ESRRB: variants seen among roughly 807,000 people sequenced by gnomAD.
ESRRB encodes the protein steroid hormone receptor ERR2.
Under a neutral mutation model 46.0 loss-of-function variants are expected in ESRRB, and 16 were observed. That is an observed-to-expected ratio of 0.35 (90% confidence interval 0.24 to 0.53). The LOEUF (loss-of-function observed/expected upper bound fraction) is 0.53, where lower values mean the gene tolerates loss of function less well. Ranked by LOEUF, ESRRB falls within the 20% of genes least tolerant of loss-of-function variation. ESRRB has a pLI of 0.93. For missense variants in ESRRB, 488 were observed against 607.4 expected (o/e 0.80, Z 2.07); for synonymous variants, 246 against 259.6 (o/e 0.95, Z 0.50).
intron 1 of ESRRB, among the ~76,000 whole-genome samples, chr14:76,361,498 G>C (rs1884463751): frequency 6.6e-6 from 1 of 152,206 alleles, no homozygotes; most frequent in Admixed American, 6.5e-5. Flanking sequence ...AGAAATCGAA[G>C]TAGTATACAT....
At chr14:76,436,147 C>T (rs998274476) in intron 1 of ESRRB, among the ~76,000 whole-genome samples, 3 of 152,192 alleles carry the variant, frequency 2.0e-5, no homozygotes, top group Non-Finnish European at 4.4e-5. Context: ...AGGAGGGGAG[C>T]GGAAGAGGAA....
At position 76,500,341 on chromosome 14, in the gene ESRRB, A is replaced by AT. The variant is rs1890616423; in HGVS notation, c.*1883_*1884insT. 1 of 586,242 alleles carries AT rather than the reference A, an allele frequency of 1.7e-6. No individual in the cohort carries two copies. Among genetic ancestry groups the AT allele is most frequent in the African/African-American group, 1.9e-5 (1 of 53,662 alleles). The allele number at this position is 586,242 out of a possible 1,614,324, so 36.3% of individuals were successfully genotyped here. A position where few individuals can be genotyped will look rare whatever the true frequency, so the allele number is the denominator to read the frequency against. On this transcript the variant is annotated 3_prime_UTR_variant, in exon 7 of 7. Transcript: ENST00000644823. Reference sequence around the variant, plus strand: ...GGTCTGAGTCACTTGATGAGTAGGCACTGGAGCCGTTACCCAGGATGCTGC... The same window carrying AT: ...GGTCTGAGTCACTTGATGAGTAGGCATCTGGAGCCGTTACCCAGGATGCTGC...
At chr14:76,479,221 G>T (rs1308853685) in intron 3 of ESRRB, among the ~76,000 whole-genome samples, 4 of 134,102 alleles carry the variant, frequency 3.0e-5, no homozygotes, top group Non-Finnish European at 6.2e-5. Context: ...GTCTGTTTGT[G>T]TGTGTGTGTG....
chr14:76,336,167 T>C lies in ESRRB; in HGVS notation c.2+25251T>C, dbSNP rs145741379. Among the ~76,000 whole-genome samples, 88 of 152,310 alleles carry C rather than the reference T, an allele frequency of 5.8e-4. 2 individuals are homozygous for C. The East Asian group carries it at 0.016, about 28-fold the overall frequency. On this transcript the variant is annotated intron_variant, in intron 1 of 6. Transcript: ENST00000512784. ...TCTGCAAAATCTCGCTGCCTTTTAG[T>C]TGACAGGGAGCCATTGCCAGGTAGG... is the stretch of plus-strand genomic sequence containing the variant.
At chr14:76,345,865 T>G (rs986348306) in intron 1 of ESRRB, among the ~76,000 whole-genome samples, 4 of 152,228 alleles carry the variant, frequency 2.6e-5, no homozygotes, top group Admixed American at 6.5e-5. Flanking sequence ...GTAGGTACTG[T>G]GTGCCAGGCT....
chr14:76,499,836 G>T lies in ESRRB; in HGVS notation c.*1378G>T. The T allele has an allele frequency of 4.4e-6, 7 of 1,594,246 alleles. No homozygotes were observed. Among genetic ancestry groups the T allele is most frequent in the East Asian group, 2.2e-5 (1 of 44,800 alleles). On this transcript the variant is annotated 3_prime_UTR_variant, in exon 7 of 7. Coordinates refer to ENST00000644823, the MANE Select transcript of ESRRB (RefSeq NM_001379180.1). ...AAAGTTTTCACTAACTCAAGGGGCA[G>T]CCCTGAACACCCATTTGTGCTCACA...
At chr14:76,322,051 C>T (rs1430762466) in intron 1 of ESRRB, among the ~76,000 whole-genome samples, 1 of 152,170 alleles carries the variant, frequency 6.6e-6, no homozygotes, top group Non-Finnish European at 1.5e-5. Flanking sequence ...CGTGAATACC[C>T]TTTTGTATCA....
intron 3 of ESRRB, among the ~76,000 whole-genome samples, chr14:76,476,609 G>A (rs1377573488): frequency 6.6e-6 from 1 of 152,226 alleles, no homozygotes; most frequent in Admixed American, 6.5e-5. Flanking sequence ...GCTTTCTGCT[G>A]CAAGTTACGG....
intron 1 of ESRRB, among the ~76,000 whole-genome samples, chr14:76,387,850 T>C (rs1885302527): frequency 6.6e-6 from 1 of 152,214 alleles, no homozygotes; most frequent in Non-Finnish European, 1.5e-5. Context: ...ATATAAAGTG[T>C]AAGGCCAGAG....
intron 2 of ESRRB, among the ~76,000 whole-genome samples, chr14:76,451,658 G>C (rs930358970): frequency 6.6e-6 from 1 of 152,018 alleles, no homozygotes; most frequent in African/African-American, 2.4e-5. Flanking sequence ...ACAGAGTCTT[G>C]CTATGTTGCC....
chr14:76,332,753 A>G (rs1191341314), intron 1 of ESRRB, among the ~76,000 whole-genome samples: 2 of 8,502 alleles, frequency 2.4e-4, no homozygotes, highest in African/African-American at 3.5e-4. Context: ...TTTATATATT[A>G]TATATAAATA....
At chr14:76,469,944 C>CTTTTTTTTTTTTTTTT (rs1178018542) in intron 3 of ESRRB, among the ~76,000 whole-genome samples, 20 of 73,070 alleles carry the variant, frequency 2.7e-4, no homozygotes, top group East Asian at 8.4e-4. Context: ...TTTTTTTTTT[C>CTTTTTTTTTTTTTTTT]TTTTTTTTTT....
At chr14:76,349,627 T>C (rs1884290297) in intron 1 of ESRRB, among the ~76,000 whole-genome samples, 1 of 152,108 alleles carries the variant, frequency 6.6e-6, no homozygotes, top group Admixed American at 6.5e-5. Context: ...GAACTACCAA[T>C]AGCCTAGTGG....
chr14:76,381,586 G>A (rs752011045), intron 1 of ESRRB, among the ~76,000 whole-genome samples: 37 of 152,144 alleles, frequency 2.4e-4, no homozygotes, highest in Non-Finnish European at 4.1e-4. Context: ...AGGATGTGAC[G>A]GAAGGACTGT....
intron 1 of ESRRB, among the ~76,000 whole-genome samples, chr14:76,333,057 TTA>T (rs1555389374): frequency 0.015 from 98 of 6,686 alleles, 5 homozygotes; most frequent in Non-Finnish European, 0.024. Flanking sequence ...ATATTATATA[TTA>T]TATATTATAT....
chr14:76,344,907 A>T (rs1884232313), intron 1 of ESRRB, among the ~76,000 whole-genome samples: 1 of 151,940 alleles, frequency 6.6e-6, no homozygotes, highest in African/African-American at 2.4e-5. Context: ...AAATGATGTT[A>T]ATTCATTCCT....
At chr14:76,455,917 G>A (rs1262629063) in intron 2 of ESRRB, among the ~76,000 whole-genome samples, 9 of 151,880 alleles carry the variant, frequency 5.9e-5, no homozygotes, top group African/African-American at 1.2e-4. Flanking sequence ...GGTGGTGCAC[G>A]CCTGTAATCC....
intron 3 of ESRRB, among the ~76,000 whole-genome samples, chr14:76,472,198 G>A (rs774697612): frequency 6.6e-6 from 1 of 152,194 alleles, no homozygotes. Context: ...AAGGGAAGCT[G>A]GGCTGAAATA....
chr14:76,407,789 T>G (rs1253895796), intron 1 of ESRRB, among the ~76,000 whole-genome samples: 1 of 152,230 alleles, frequency 6.6e-6, no homozygotes, highest in African/African-American at 2.4e-5. Flanking sequence ...ACTGGGATGC[T>G]GAGCAGCCAA....
Sources: allele counts gnomAD v4.1 joint callset (sites outside exome capture counted in the v4.1 genomes callset), GRCh38; gene constraint gnomAD v4.1.1; transcripts MANE v1.5; gene names NCBI Gene and HGNC (gene_info 2026-07-23, HGNC 2026-07-21).